Variants in ITGBL1 observed in about 807,000 individuals in gnomAD.
ITGBL1 encodes the protein integrin subunit beta like 1.
ITGBL1 carries 51 observed loss-of-function variants against 68.5 expected under a neutral mutation model. That is an observed-to-expected ratio of 0.74 (90% CI 0.59 to 0.94). The LOEUF (loss-of-function observed/expected upper bound fraction) is 0.94. Ranked by LOEUF, ITGBL1 falls within the 40% of genes least tolerant of loss-of-function variation. The pLI is 0.00. For synonymous variants in ITGBL1, 209 were observed against 227.3 expected (o/e 0.92, Z 0.72); for missense variants, 649 against 647.4 (o/e 1.00, Z -0.03).
chr13:101,508,733 A>G (rs1191165572), intron 2 of ITGBL1, among the ~76,000 whole-genome samples: 2 of 152,036 alleles, frequency 1.3e-5, no homozygotes, highest in Non-Finnish European at 2.9e-5. Context: ...TTGATTTTTT[A>G]TTTGTGATTT....
intron 7 of ITGBL1, among the ~76,000 whole-genome samples, chr13:101,642,006 A>G (rs1039835980): frequency 6.6e-6 from 1 of 152,046 alleles, no homozygotes; most frequent in Non-Finnish European, 1.5e-5. Flanking sequence ...TATTGTGAAG[A>G]GTGCCGCAAT....
intron 7 of ITGBL1, among the ~76,000 whole-genome samples, chr13:101,600,803 G>A (rs529921289): frequency 5.9e-5 from 9 of 152,280 alleles, no homozygotes; most frequent in African/African-American, 2.2e-4. Context: ...TGATCATAGT[G>A]GATAAGCTTT....
intron 7 of ITGBL1, among the ~76,000 whole-genome samples, chr13:101,630,704 C>A (rs967548734): frequency 1.3e-5 from 2 of 152,148 alleles, no homozygotes; most frequent in Admixed American, 1.3e-4. Flanking sequence ...TATTCCAAAT[C>A]ATTGTTAGAT....
intron 7 of ITGBL1, among the ~76,000 whole-genome samples, chr13:101,619,157 A>G (rs543880249): frequency 1.6e-4 from 24 of 152,116 alleles, no homozygotes; most frequent in Non-Finnish European, 3.1e-4. Flanking sequence ...CAGACTTATA[A>G]CCAAATGACA....
chr13:101,691,830 A>G (rs574147045), intron 7 of ITGBL1, among the ~76,000 whole-genome samples: 1 of 152,276 alleles, frequency 6.6e-6, no homozygotes, highest in South Asian at 2.1e-4. Flanking sequence ...CCTGTTTAGT[A>G]AAATGATTGT....
intron 7 of ITGBL1, among the ~76,000 whole-genome samples, chr13:101,662,250 T>C (rs1173933359): frequency 1.3e-5 from 2 of 152,182 alleles, no homozygotes; most frequent in African/African-American, 4.8e-5. Context: ...TTTCCAAAAA[T>C]GGCAAGAATG....
chr13:101,656,956 CT>C (rs61061404), intron 7 of ITGBL1, among the ~76,000 whole-genome samples: 3,166 of 137,642 alleles, frequency 0.023, 112 homozygotes, highest in African/African-American at 0.077. Flanking sequence ...TTCTTTTTTT[CT>C]TTTTTTTTTT....
chr13:101,531,735 A>C (rs1428497169), intron 2 of ITGBL1, among the ~76,000 whole-genome samples: 1 of 143,518 alleles, frequency 7.0e-6, no homozygotes, highest in Non-Finnish European at 1.5e-5. Flanking sequence ...TTATTTATTT[A>C]TTTATTTATG....
At chr13:101,592,700 G>A (rs1010011461) in intron 6 of ITGBL1, among the ~76,000 whole-genome samples, 2 of 152,042 alleles carry the variant, frequency 1.3e-5, no homozygotes, top group African/African-American at 4.8e-5. Context: ...TTCAATAAAT[G>A]GTGCTGGAGA....
intron 8 of ITGBL1, among the ~76,000 whole-genome samples, chr13:101,702,003 C>T (rs1171721146): frequency 6.6e-6 from 1 of 152,104 alleles, no homozygotes. Context: ...TATGTTATAT[C>T]TATTTTACCA....
At chr13:101,455,214 C>A (rs1388971435) in intron 2 of ITGBL1, among the ~76,000 whole-genome samples, 1 of 152,136 alleles carries the variant, frequency 6.6e-6, no homozygotes, top group Non-Finnish European at 1.5e-5. Context: ...GAGTTTATAG[C>A]AAAATATTTT....
In ITGBL1 at chr13:101,562,583, A is replaced by G. The variant is rs192555588; in HGVS notation, c.317-5116A>G. On this transcript the variant is annotated intron_variant, in intron 2 of 10. Transcript: ENST00000376180. ...ACAAGAAATAATATCAAGGATAAAG[A>G]GAGATATTACACAATGAAAAAGTAA... is the stretch of plus-strand genomic sequence containing the variant. Among the ~76,000 whole-genome samples the G allele has an allele frequency of 1.5e-3, 223 of 152,114 alleles. 1 individual carries two copies. The highest frequency in any genetic ancestry group is 4.7e-3 in the African/African-American group (197 of 41,572).
At chr13:101,511,807 C>T (rs1456675977) in intron 2 of ITGBL1, among the ~76,000 whole-genome samples, 1 of 152,082 alleles carries the variant, frequency 6.6e-6, no homozygotes, top group East Asian at 1.9e-4. Context: ...GTGGAATACC[C>T]ACCTAAGTTG....
intron 2 of ITGBL1, among the ~76,000 whole-genome samples, chr13:101,508,326 T>G (rs2049058307): frequency 6.6e-6 from 1 of 152,196 alleles, no homozygotes; most frequent in Non-Finnish European, 1.5e-5. Flanking sequence ...TTCTTTCCAG[T>G]TTACTATAAA....
At chr13:101,548,309 T>C (rs376763953) in intron 2 of ITGBL1, among the ~76,000 whole-genome samples, 6 of 151,962 alleles carry the variant, frequency 3.9e-5, no homozygotes, top group Admixed American at 3.3e-4. Context: ...ATGCTATTAC[T>C]AATGGTGTCA....
chr13:101,662,841 A>G (rs1371152096), intron 7 of ITGBL1, among the ~76,000 whole-genome samples: 3 of 151,284 alleles, frequency 2.0e-5, no homozygotes, highest in Non-Finnish European at 4.4e-5. Context: ...TTTTTTTCAT[A>G]TGTCTTCCCA....
intron 2 of ITGBL1, among the ~76,000 whole-genome samples, chr13:101,554,612 G>T (rs747976802): frequency 6.6e-5 from 10 of 152,200 alleles, no homozygotes; most frequent in Non-Finnish European, 1.3e-4. Flanking sequence ...GGCATGTGTG[G>T]CCTTAACAGC....
rs754991443 is a variant in ITGBL1, at chr13:101,715,727, GTA to G, written c.*77_*78del. On this transcript the variant is annotated 3_prime_UTR_variant, in exon 11 of 11. Transcript: ENST00000376180. ...AACAGATAAATGCGAAGGAAACCATGTATATTCACCACTAGGACAGGTTAAAA... is the reference window on the plus strand; with the variant it reads ...AACAGATAAATGCGAAGGAAACCATGTATTCACCACTAGGACAGGTTAAAA... 1.5e-4 allele frequency: 140 copies of G among 954,038 alleles called. No homozygotes were observed. In the Middle Eastern group the frequency reaches 2.1e-3, roughly 14 times the overall value. 59.1% of individuals were successfully genotyped at this position (954,038 alleles called of 1,614,324 possible). A position where few individuals can be genotyped will look rare whatever the true frequency, so the allele number is the denominator to read the frequency against.
At chr13:101,495,365 C>T (rs991291592) in intron 2 of ITGBL1, among the ~76,000 whole-genome samples, 14 of 152,224 alleles carry the variant, frequency 9.2e-5, no homozygotes, top group Admixed American at 2.6e-4. Context: ...ACAGGTAATG[C>T]TCTGTCTGTA....
Sources: gnomAD v4.1 joint callset for allele counts (sites outside exome capture counted in the v4.1 genomes callset) on GRCh38, gnomAD v4.1.1 for gene constraint, MANE v1.5 for transcripts, NCBI Gene and HGNC (gene_info 2026-07-23, HGNC 2026-07-21) for gene names.